SLC26A11: variants seen among roughly 807,000 people sequenced by gnomAD.
SLC26A11 encodes sodium-independent sulfate anion transporter.
In SLC26A11, 58 loss-of-function variants were observed where a neutral mutation model predicts 62.2. That is an observed-to-expected ratio of 0.93 (90% CI 0.76 to 1.16). The LOEUF (loss-of-function observed/expected upper bound fraction) is 1.16. SLC26A11 is among the 50% of genes most tolerant of loss of function. The pLI is 0.00. For missense variants in SLC26A11, 790 were observed against 794.3 expected (o/e 0.99, Z 0.06); for synonymous variants, 411 against 368.9 (o/e 1.11, Z -1.31).
chr17:80,230,008 AG>A (rs1429661935), intron 7 of SLC26A11, among the ~76,000 whole-genome samples: 1 of 152,034 alleles, frequency 6.6e-6, no homozygotes, highest in Non-Finnish European at 1.5e-5. Context: ...GTTTGAAACC[AG>A]CTTGGCCAAA....
rs1012203624 is a variant in SLC26A11, at chr17:80,246,517, G to A, written c.1162G>A (p.Val388Met). The A allele has an allele frequency of 3.7e-6, 6 of 1,611,740 alleles. No individual in the cohort carries two copies. Among genetic ancestry groups the A allele is most frequent in the African/African-American group, 2.7e-5 (2 of 75,064 alleles). Residue 388 changes from valine to methionine, a missense_variant, in exon 13 of 18, where the codon GTG (valine) becomes ATG (methionine). Transcript: ENST00000361193. This position sits in a 1 kb window ranked among gnomAD's most constrained non-coding sequence, Gnocchi z 4.4. ...PAGGLVTGVLVLLSLDYLTSL... is the reference protein window; with the variant it reads ...PAGGLVTGVLMLLSLDYLTSL... ...GTTCCCGTGCCCCGCAGGAGTGCTG[G>A]TGCTGCTGTCTCTGGACTACCTGAC...
intron 1 of SLC26A11, 121 bp downstream of exon 1, chr17:80,220,617 C>G (rs2042125267): frequency 3.2e-6 from 1 of 315,700 alleles, no homozygotes; most frequent in African/African-American, 2.2e-5. Flanking sequence ...GTGCGGGGGC[C>G]TCCCGTGGGG....
intron 10 of SLC26A11, among the ~76,000 whole-genome samples, chr17:80,242,974 T>C (rs1230878234): frequency 6.6e-6 from 1 of 152,218 alleles, no homozygotes; most frequent in Non-Finnish European, 1.5e-5. Flanking sequence ...CCCAAAGTGC[T>C]GGGATTACAG....
intron 7 of SLC26A11, among the ~76,000 whole-genome samples, chr17:80,234,656 C>A (rs1385583599): frequency 6.6e-6 from 1 of 152,100 alleles, no homozygotes; most frequent in Non-Finnish European, 1.5e-5. Flanking sequence ...ATTTCAGGCA[C>A]CTCGAAGGTG....
rs990519196 is a variant in SLC26A11 at position 80,222,590 on chromosome 17, G to C, written c.235-65G>C. On this transcript the variant is annotated intron_variant, in intron 3 of 17. Transcript: ENST00000361193. This position sits in a 1 kb window ranked among gnomAD's most constrained non-coding sequence, Gnocchi z 4.7. ...ACCCACACATCCCGAGCTTGGACACGCACACTAGGGAGCTGGTGGATGGGC... is the reference window on the plus strand; with the variant it reads ...ACCCACACATCCCGAGCTTGGACACCCACACTAGGGAGCTGGTGGATGGGC... 3 of 1,514,988 alleles carry C rather than the reference G, an allele frequency of 2.0e-6. No individual in the cohort carries two copies. Among genetic ancestry groups the C allele is most frequent in the Non-Finnish European group, 2.7e-6 (3 of 1,104,808 alleles). 93.8% of individuals were successfully genotyped at this position (1,514,988 alleles called of 1,614,324 possible).
chr17:80,221,791 C>T lies in SLC26A11; in HGVS notation c.231C>T (p.Pro77=), dbSNP rs1470632969. Residue 77 remains proline, a synonymous_variant, in exon 3 of 18, where the codon CCC becomes CCT. Coordinates refer to ENST00000361193, the MANE Select transcript of SLC26A11 (RefSeq NM_001166347.2). ...LAYAEVAGLP[P]QYGLYSAFMG... is the part of the protein sequence containing the mutation. ...ATGCTGAAGTGGCTGGACTCCCGCC[C>T]CAGGTGAGGCGTCTGACCCTGCTGC... 13 of 1,608,716 alleles carry T rather than the reference C, an allele frequency of 8.1e-6. No homozygotes were observed. Among genetic ancestry groups the T allele is most frequent in the Non-Finnish European group, 7.6e-6 (9 of 1,179,238 alleles).
At chr17:80,250,323 C>T (rs1337124154) in intron 16 of SLC26A11, among the ~76,000 whole-genome samples, 1 of 152,166 alleles carries the variant, frequency 6.6e-6, no homozygotes. Flanking sequence ...TCCTTCATTC[C>T]CAACCTGGCC....
chr17:80,241,624 T>C (rs2042861994), intron 9 of SLC26A11, 147 bp from the exon 10 acceptor site: 1 of 803,782 alleles, frequency 1.2e-6, no homozygotes, highest in Non-Finnish European at 2.1e-6. Context: ...TACACGCACA[T>C]ATATGTGAAT....
Position 80,225,867 on chromosome 17 carries a change from C to G in SLC26A11, c.544C>G (p.Pro182Ala), listed in dbSNP as rs115961261. ...GCTGGGACTACAGAACATCCCCAGG[C>G]CGTTCTTCCTGCAGGTGTACCACAC... ...NLLGLQNIPR[P>A]FFLQVYHTFL... is the part of the protein sequence containing the mutation. The change falls in exon 6 of 18, where the codon CCG becomes GCG. Residue 182 changes from proline (P) to alanine (A), a missense_variant. By Grantham distance (27) the Pro-to-Ala change is conservative (BLOSUM62 -1). Coordinates refer to ENST00000361193, the MANE Select transcript of SLC26A11 (RefSeq NM_001166347.2). 2,792 of 1,613,940 alleles carry G rather than the reference C, an allele frequency of 1.7e-3. 57 individuals are homozygous for G. In the African/African-American group the frequency reaches 0.033, roughly 19 times the overall value.
At chr17:80,227,251 C>A (rs1166706174) in intron 6 of SLC26A11, among the ~76,000 whole-genome samples, 1 of 152,172 alleles carries the variant, frequency 6.6e-6, no homozygotes, top group Non-Finnish European at 1.5e-5. Context: ...TTGTGTTGGG[C>A]CACATTCAAA....
intron 11 of SLC26A11, among the ~76,000 whole-genome samples, chr17:80,245,759 C>G (rs888631675): frequency 6.6e-6 from 1 of 152,204 alleles, no homozygotes; most frequent in Non-Finnish European, 1.5e-5. Context: ...CCCAGATGCC[C>G]TACGGCCCCT....
At position 80,221,608 on chromosome 17, in the gene SLC26A11, C is replaced by T. The variant is rs760128984; in HGVS notation, c.48C>T (p.Pro16=). 9.3e-6 allele frequency: 15 copies of T among 1,607,624 alleles called. No individual in the cohort carries two copies. Among genetic ancestry groups the T allele is most frequent in the Non-Finnish European group, 1.3e-5 (15 of 1,179,588 alleles). The change falls in exon 3 of 18, where the codon CCC becomes CCT. Residue 16 remains proline, a synonymous_variant. Coordinates refer to ENST00000361193, the MANE Select transcript of SLC26A11 (RefSeq NM_001166347.2). ...TGGGTCAGGCCAGGTCCTCTGGCCC[C>T]GGGATGGCCCCGAGCGCCTGCTGCT... ...TALGQARSSG[P]GMAPSACCCS...
At chr17:80,243,973 C>T (rs2144959518) in intron 10 of SLC26A11, among the ~76,000 whole-genome samples, 1 of 152,356 alleles carries the variant, frequency 6.6e-6, no homozygotes, top group Admixed American at 6.5e-5. Context: ...TCCCCTGCAG[C>T]CTGTGGTCAC....
At chr17:80,251,212 T>C in intron 16 of SLC26A11, 117 bp from the exon 17 acceptor site, 6 of 1,603,278 alleles carry the variant, frequency 3.7e-6, no homozygotes, top group Non-Finnish European at 4.3e-6. Context: ...CATTCACTGG[T>C]ATGGAGGTGA....
intron 7 of SLC26A11, among the ~76,000 whole-genome samples, chr17:80,236,623 G>A (rs1387919253): frequency 2.0e-5 from 3 of 152,190 alleles, no homozygotes; most frequent in Non-Finnish European, 4.4e-5. Context: ...CTTTGAGGTG[G>A]ATGTGCCCTG....
At chr17:80,233,069 G>A (rs1019420920) in intron 7 of SLC26A11, among the ~76,000 whole-genome samples, 3 of 152,080 alleles carry the variant, frequency 2.0e-5, no homozygotes, top group Non-Finnish European at 2.9e-5. Flanking sequence ...GCAACATGGC[G>A]AAACCCCATC....
At position 80,246,731 on chromosome 17, in the gene SLC26A11, T is replaced by C; in HGVS notation, c.1294+82T>C. 1 of 1,518,156 alleles carries C rather than the reference T, an allele frequency of 6.6e-7. No individual in the cohort carries two copies. The highest frequency in any genetic ancestry group is 1.7e-4 in the Middle Eastern group (1 of 5,888). 94.0% of individuals were successfully genotyped at this position (1,518,156 alleles called of 1,614,324 possible). A position where few individuals can be genotyped will look rare whatever the true frequency, so the allele number is the denominator to read the frequency against. ...TGTCATTTATGCTACCCCATTTTCC[T>C]GCAGCCCCCTCTGTGGGGCTGGGAC... is the stretch of plus-strand genomic sequence containing the variant. On this transcript the variant is annotated intron_variant, in intron 13 of 17. Transcript: ENST00000361193. The surrounding 1 kb of genome is among the most constrained non-coding windows in gnomAD (Gnocchi z 4.4).
At chr17:80,241,849 C>T (rs758772860) in intron 10 of SLC26A11, 28 bp downstream of exon 10, 1 of 1,614,012 alleles carries the variant, frequency 6.2e-7, no homozygotes, top group Non-Finnish European at 8.5e-7. Context: ...GGAAGGAAGA[C>T]ACCAGCTGTG....
In SLC26A11 at chr17:80,237,094, G is replaced by T; in HGVS notation, c.903G>T (p.Glu301Asp). 1 of 1,611,920 alleles carries T rather than the reference G, an allele frequency of 6.2e-7. No homozygotes were observed. ...TTANGTISFTEMVQDMGAGLA... is the reference protein window; with the variant it reads ...TTANGTISFTDMVQDMGAGLA... ...CCAACGGGACGATCTCCTTCACCGA[G>T]ATGGTGCAGGTGGGCGGAGCCGGGA... Residue 301 changes from glutamate to aspartate, a missense_variant, in exon 8 of 18, where the codon GAG (glutamate) becomes GAT (aspartate). By Grantham distance (45) the Glu-to-Asp change is conservative (BLOSUM62 2). Transcript: ENST00000361193.
Sources: allele counts gnomAD v4.1 joint callset (sites outside exome capture counted in the v4.1 genomes callset), GRCh38; gene constraint gnomAD v4.1.1; non-coding constraint Gnocchi (gnomAD v3.1); transcripts MANE v1.5; gene names NCBI Gene and HGNC (gene_info 2026-07-23, HGNC 2026-07-21).